The following PKHD1 variants were observed in gnomAD, a reference collection of about 807,000 sequenced individuals.
PKHD1 encodes fibrocystin.
A neutral mutation model predicts 412.0 loss-of-function variants in PKHD1; 291 were observed. That is an observed-to-expected ratio of 0.71 (90% CI 0.64 to 0.78). The LOEUF is 0.78. PKHD1 is among the 30% of genes least tolerant of loss of function. The probability of loss-of-function intolerance (pLI) is 0.00; values close to 1 mark genes in which losing one functional copy is unlikely to be tolerated. For synonymous variants in PKHD1, 1,777 were observed against 1,821.5 expected (o/e 0.98, Z 0.62); for missense variants, 4,825 against 4,950.7 (o/e 0.97, Z 0.76).
intron 35 of PKHD1, among the ~76,000 whole-genome samples, chr6:52,001,098 C>G (rs1384428727): frequency 6.6e-6 from 1 of 152,042 alleles, no homozygotes; most frequent in Non-Finnish European, 1.5e-5. Flanking sequence ...ATTATTTTAA[C>G]ATTGAATACA....
chr6:52,034,180 A>G (rs200221844), intron 28 of PKHD1, among the ~76,000 whole-genome samples: 1 of 13,238 alleles, frequency 7.6e-5, no homozygotes, highest in Non-Finnish European at 3.1e-4. Flanking sequence ...ACTCTAGGGG[A>G]AAAAAAAAAA....
At chr6:51,831,071 T>C in intron 51 of PKHD1, 82 bp from the exon 52 acceptor site, 1 of 985,864 alleles carries the variant, frequency 1.0e-6, no homozygotes, top group Non-Finnish European at 1.6e-6. Flanking sequence ...ATGCTAGTGG[T>C]ATTTTCACCT....
intron 60 of PKHD1, among the ~76,000 whole-genome samples, chr6:51,735,050 G>A (rs546506527): frequency 6.6e-5 from 10 of 152,090 alleles, no homozygotes; most frequent in South Asian, 2.1e-4. Context: ...TTATAGCATC[G>A]CCCTTCAAAA....
At position 51,748,290 on chromosome 6, in the gene PKHD1, T is replaced by C. The variant is rs1179410094; in HGVS notation, c.9326A>G (p.His3109Arg). ...AAGCAGTTCACAAGAGGAGCACTTG[T>C]GGCCTCGGATGTGAAAGCCAAGTCT... Reference protein sequence around the residue: ...SERLGFHIRGHKCSSCELLWS... With the variant: ...SERLGFHIRGRKCSSCELLWS... The change falls in exon 58 of 67, where the codon CAC becomes CGC. Residue 3109 changes from histidine to arginine, a missense_variant. Coordinates refer to ENST00000371117, the MANE Select transcript of PKHD1 (RefSeq NM_138694.4). 6.2e-7 allele frequency: 1 copy of C among 1,613,940 alleles called. No homozygotes were observed.
intron 36 of PKHD1, among the ~76,000 whole-genome samples, chr6:51,950,220 A>ATATATATATAT (rs1554156415): frequency 1.0e-3 from 99 of 98,296 alleles, no homozygotes; most frequent in East Asian, 1.1e-3. Context: ...GAAAAAAAAA[A>ATATATATATAT]ATATATATAT....
chr6:51,736,061 C>G (rs1403766854), intron 60 of PKHD1, among the ~76,000 whole-genome samples: 25 of 152,220 alleles, frequency 1.6e-4, no homozygotes, highest in Admixed American at 1.6e-3. Flanking sequence ...ACAGGACTAT[C>G]TCTTAGAGTA....
intron 29 of PKHD1, among the ~76,000 whole-genome samples, chr6:52,030,649 C>G (rs1802901737): frequency 6.6e-6 from 1 of 150,834 alleles, no homozygotes; most frequent in Non-Finnish European, 1.5e-5. Flanking sequence ...GGCCACCATC[C>G]AGAAAGGGAA....
chr6:52,039,814 A>T (rs1458991121), intron 27 of PKHD1, among the ~76,000 whole-genome samples: 1 of 152,232 alleles, frequency 6.6e-6, no homozygotes, highest in East Asian at 1.9e-4. Context: ...AAATATTCAT[A>T]GCAGCCTTAT....
chr6:51,710,196 C>T (rs1220748563), intron 60 of PKHD1, among the ~76,000 whole-genome samples: 1 of 151,988 alleles, frequency 6.6e-6, no homozygotes, highest in African/African-American at 2.4e-5. Context: ...AGCGACAGAG[C>T]AAGACTCCAT....
At chr6:51,914,380 T>C (rs189721674) in intron 37 of PKHD1, among the ~76,000 whole-genome samples, 26 of 152,204 alleles carry the variant, frequency 1.7e-4, no homozygotes, top group Admixed American at 1.3e-3. Flanking sequence ...TGCACTCCCA[T>C]TGCAAAAATA....
Position 52,028,361 on chromosome 6 carries a change from G to A in PKHD1, c.3365-10C>T, listed in dbSNP as rs1350703839. ...ACCAGGGTCTCACCGCCTGTGTTGA[G>A]AAGAATCCAATAGCCTCTGACATGT... is the stretch of plus-strand genomic sequence containing the variant. On this transcript the variant is annotated splice_polypyrimidine_tract_variant and intron_variant, in intron 29 of 66. Coordinates refer to ENST00000371117, the MANE Select transcript of PKHD1 (RefSeq NM_138694.4). 2 of 1,612,528 alleles carry A rather than the reference G, an allele frequency of 1.2e-6. No homozygotes were observed. Among genetic ancestry groups the A allele is most frequent in the South Asian group, 1.1e-5 (1 of 91,010 alleles).
At chr6:51,923,530 AC>A (rs1442723659) in intron 37 of PKHD1, among the ~76,000 whole-genome samples, 2 of 151,500 alleles carry the variant, frequency 1.3e-5, no homozygotes, top group Admixed American at 1.3e-4. Context: ...AAAAAAAAAA[AC>A]AATAAAAGTA....
chr6:51,913,821 T>G (rs1272914893), intron 37 of PKHD1, among the ~76,000 whole-genome samples: 1 of 152,154 alleles, frequency 6.6e-6, no homozygotes, highest in Non-Finnish European at 1.5e-5. Context: ...TGAAGTTTAC[T>G]TGGGCAATAA....
intron 60 of PKHD1, among the ~76,000 whole-genome samples, chr6:51,717,992 A>G (rs557561543): frequency 8.9e-4 from 136 of 152,346 alleles, no homozygotes; most frequent in Non-Finnish European, 1.4e-3. Flanking sequence ...CTCTCAACAC[A>G]GTATTCCAGC....
At chr6:52,053,276 T>C (rs1427863441) in intron 20 of PKHD1, 25 bp from the exon 21 acceptor site, 1 of 1,612,834 alleles carries the variant, frequency 6.2e-7, no homozygotes, top group Non-Finnish European at 8.5e-7. Context: ...GGAGCAGAAC[T>C]GGGCTCTCAG....
intron 60 of PKHD1, among the ~76,000 whole-genome samples, chr6:51,718,483 C>T (rs1339100506): frequency 6.6e-6 from 1 of 152,096 alleles, no homozygotes; most frequent in Non-Finnish European, 1.5e-5. Flanking sequence ...GTCACTATTG[C>T]GTAGGAGGTA....
chr6:51,626,237 C>A (rs773588445), intron 66 of PKHD1, among the ~76,000 whole-genome samples: 4 of 152,050 alleles, frequency 2.6e-5, no homozygotes, highest in African/African-American at 4.8e-5. Flanking sequence ...GATTGGTAAG[C>A]CTTTTCAAGC....
chr6:52,064,806 G>T, intron 13 of PKHD1, 149 bp downstream of exon 13: 1 of 467,986 alleles, frequency 2.1e-6, no homozygotes, highest in Non-Finnish European at 3.9e-6. Context: ...TGAAAGGAGA[G>T]CCTTGACAAT....
intron 52 of PKHD1, among the ~76,000 whole-genome samples, chr6:51,817,269 C>G (rs2151431884): frequency 6.6e-6 from 1 of 152,106 alleles, no homozygotes; most frequent in African/African-American, 2.4e-5. Context: ...AAATGTAAAC[C>G]CTATTCACAA....
Sources: allele counts gnomAD v4.1 joint callset (sites outside exome capture counted in the v4.1 genomes callset), GRCh38; gene constraint gnomAD v4.1.1; transcripts MANE v1.5; gene names NCBI Gene and HGNC (gene_info 2026-07-23, HGNC 2026-07-21).